The following MYO1D variants were observed in gnomAD, a reference collection of about 807,000 sequenced individuals.
MYO1D encodes unconventional myosin-Id.
In MYO1D, 83 loss-of-function variants were observed where a neutral mutation model predicts 122.0. The ratio of observed to expected loss-of-function variants is 0.68; its 90% CI spans 0.57 to 0.82. The LOEUF is 0.82. Ranked by LOEUF, MYO1D falls within the 40% of genes least tolerant of loss-of-function variation. MYO1D has a pLI of 0.00. For synonymous variants in MYO1D, 464 were observed against 446.9 expected (o/e 1.04, Z -0.48); for missense variants, 1,157 against 1,269.5 (o/e 0.91, Z 1.35).
At chr17:32,694,570 G>C (rs546768685) in intron 16 of MYO1D, among the ~76,000 whole-genome samples, 1 of 151,320 alleles carries the variant, frequency 6.6e-6, no homozygotes, top group East Asian at 1.9e-4. Context: ...GCGCGGTGGC[G>C]GGCGCCTGTA....
intron 1 of MYO1D, among the ~76,000 whole-genome samples, chr17:32,787,787 A>G (rs751445982): frequency 3.9e-5 from 6 of 151,978 alleles, no homozygotes; most frequent in Non-Finnish European, 7.4e-5. Flanking sequence ...CCATTATATC[A>G]TTCTTGTGCC....
At chr17:32,846,544 T>A (rs1026721142) in intron 1 of MYO1D, among the ~76,000 whole-genome samples, 4 of 152,226 alleles carry the variant, frequency 2.6e-5, no homozygotes, top group African/African-American at 9.6e-5. Context: ...AATACATTCT[T>A]GCAAAAGTAA....
At chr17:32,632,746 G>A (rs2088037966) in intron 20 of MYO1D, among the ~76,000 whole-genome samples, 1 of 151,992 alleles carries the variant, frequency 6.6e-6, no homozygotes, top group African/African-American at 2.4e-5. Context: ...GTTATGTTGG[G>A]AGGAGGTAAG....
At chr17:32,866,616 T>C (rs2091127220) in intron 1 of MYO1D, among the ~76,000 whole-genome samples, 1 of 152,250 alleles carries the variant, frequency 6.6e-6, no homozygotes, top group Admixed American at 6.5e-5. Context: ...TTGTGCTGCA[T>C]TAGAAGTATT....
chr17:32,769,040 TA>T (rs1225263715), intron 6 of MYO1D, among the ~76,000 whole-genome samples: 1 of 152,164 alleles, frequency 6.6e-6, no homozygotes, highest in Non-Finnish European at 1.5e-5. Context: ...CCTCAAGAGG[TA>T]AATCTTCACT....
chr17:32,823,860 G>T (rs954602311), intron 1 of MYO1D, among the ~76,000 whole-genome samples: 3 of 152,000 alleles, frequency 2.0e-5, no homozygotes, highest in Non-Finnish European at 4.4e-5. Flanking sequence ...GAGGTCAGGG[G>T]ATCGAGACCA....
At chr17:32,823,370 CAT>C (rs1018258584) in intron 1 of MYO1D, among the ~76,000 whole-genome samples, 2 of 151,972 alleles carry the variant, frequency 1.3e-5, no homozygotes, top group African/African-American at 4.8e-5. Context: ...ATTTTATATA[CAT>C]ATATATATAA....
chr17:32,852,378 C>A (rs1304061643), intron 1 of MYO1D, among the ~76,000 whole-genome samples: 1 of 152,144 alleles, frequency 6.6e-6, no homozygotes, highest in Admixed American at 6.5e-5. Context: ...CCACCCACCT[C>A]GGCCTCCCAA....
At chr17:32,862,349 G>A (rs1238136963) in intron 1 of MYO1D, among the ~76,000 whole-genome samples, 2 of 152,210 alleles carry the variant, frequency 1.3e-5, no homozygotes, top group Non-Finnish European at 2.9e-5. Flanking sequence ...TATCTGGGTT[G>A]CTCCTGCATA....
chr17:32,565,335 TC>T (rs2087162870), intron 21 of MYO1D, among the ~76,000 whole-genome samples: 1 of 152,130 alleles, frequency 6.6e-6, no homozygotes, highest in Non-Finnish European at 1.5e-5. Context: ...CAAAAACTGC[TC>T]CTTTAAGATA....
intron 20 of MYO1D, among the ~76,000 whole-genome samples, chr17:32,615,783 G>A (rs192040811): frequency 6.6e-6 from 1 of 152,168 alleles, no homozygotes; most frequent in African/African-American, 2.4e-5. Context: ...AATTCTATCC[G>A]ATAAACAACA....
At chr17:32,798,363 G>A in intron 1 of MYO1D, among the ~76,000 whole-genome samples, 1 of 152,138 alleles carries the variant, frequency 6.6e-6, no homozygotes. Flanking sequence ...CCTATATTCT[G>A]CACTATCCTT....
At chr17:32,764,556 A>G (rs1335495402) in intron 8 of MYO1D, among the ~76,000 whole-genome samples, 1 of 152,182 alleles carries the variant, frequency 6.6e-6, no homozygotes, top group Non-Finnish European at 1.5e-5. Flanking sequence ...ATTGTCAATT[A>G]AAAATAAATA....
At chr17:32,788,410 T>G (rs776977243) in intron 1 of MYO1D, among the ~76,000 whole-genome samples, 2 of 152,218 alleles carry the variant, frequency 1.3e-5, no homozygotes, top group East Asian at 1.9e-4. Context: ...ATAATTTTTA[T>G]GCTTTCAGGT....
intron 21 of MYO1D, among the ~76,000 whole-genome samples, chr17:32,592,518 A>G (rs2087447633): frequency 6.6e-6 from 1 of 152,210 alleles, no homozygotes; most frequent in Non-Finnish European, 1.5e-5. Context: ...TTAACTCTTT[A>G]GTCAATTTGG....
At chr17:32,653,607 C>CAA (rs35172819) in intron 19 of MYO1D, among the ~76,000 whole-genome samples, 1,832 of 99,856 alleles carry the variant, frequency 0.018, 47 homozygotes, top group African/African-American at 0.056. Context: ...ACTCCGTCTC[C>CAA]AAAAAAAAAA....
intron 1 of MYO1D, among the ~76,000 whole-genome samples, chr17:32,844,485 C>G (rs1391438193): frequency 6.7e-6 from 1 of 149,232 alleles, no homozygotes; most frequent in Non-Finnish European, 1.5e-5. Context: ...CTTTGAGAGG[C>G]TGAGACAGGA....
At chr17:32,862,422 G>T (rs879438593) in intron 1 of MYO1D, among the ~76,000 whole-genome samples, 3 of 152,186 alleles carry the variant, frequency 2.0e-5, no homozygotes, top group African/African-American at 4.8e-5. Context: ...TAATGGCATG[G>T]AAAAGCATTT....
chr17:32,705,199 C>A (rs1480792071), intron 16 of MYO1D, among the ~76,000 whole-genome samples: 1 of 152,028 alleles, frequency 6.6e-6, no homozygotes, highest in Non-Finnish European at 1.5e-5. Context: ...GGATGTGAAA[C>A]CTGTGTATAC....
Sources: allele counts gnomAD v4.1 joint callset (sites outside exome capture counted in the v4.1 genomes callset), GRCh38; gene constraint gnomAD v4.1.1; transcripts MANE v1.5; gene names NCBI Gene and HGNC (gene_info 2026-07-23, HGNC 2026-07-21).